Variants in CELF2 observed in about 807,000 individuals in gnomAD.
CELF2 encodes CUGBP Elav-like family member 2.
CELF2 carries 8 observed loss-of-function variants against 62.6 expected under a neutral mutation model. That is an observed-to-expected ratio of 0.13 (90% confidence interval 0.07 to 0.23). CELF2 has a LOEUF of 0.23. Ranked by LOEUF, CELF2 falls within the 10% of genes least tolerant of loss-of-function variation. The pLI, the probability that CELF2 is intolerant of heterozygous loss-of-function variation, is 1.00. For synonymous variants in CELF2, 258 were observed against 250.0 expected, an observed-to-expected ratio of 1.03 and a Z score of -0.30; for missense variants, 333 against 671.0, an observed-to-expected ratio of 0.50 and a Z score of 5.56.
chr10:11,054,169 A>C (rs1248234933), intron 1 of CELF2, among the ~76,000 whole-genome samples: 1 of 152,246 alleles, frequency 6.6e-6, no homozygotes, highest in Non-Finnish European at 1.5e-5. Flanking sequence ...TAGGAAGTGC[A>C]GAATAAATGC....
intron 8 of CELF2, among the ~76,000 whole-genome samples, chr10:11,282,039 TC>T (rs1274448224): frequency 2.6e-5 from 4 of 152,108 alleles, no homozygotes; most frequent in Non-Finnish European, 5.9e-5. Flanking sequence ...GCAAGGCCAC[TC>T]CCAGTGGATA....
the CELF2 span, among the ~76,000 whole-genome samples, chr10:10,516,162 C>G: frequency 3.9e-5 from 6 of 152,154 alleles, no homozygotes; most frequent in African/African-American, 1.2e-4. Flanking sequence ...CTAGTCCTAA[C>G]TTTTGGACTG....
At chr10:11,295,707 T>C (rs1161108910) in intron 9 of CELF2, among the ~76,000 whole-genome samples, 6 of 152,196 alleles carry the variant, frequency 3.9e-5, no homozygotes, top group African/African-American at 1.4e-4. Context: ...ACCAGGTGGT[T>C]TGAAAGTTCT....
chr10:10,593,371 A>G, the CELF2 span, among the ~76,000 whole-genome samples: 2 of 152,364 alleles, frequency 1.3e-5, no homozygotes, highest in East Asian at 3.9e-4. Context: ...GTGACTTCAC[A>G]TGGTCTCTCA....
the CELF2 span, among the ~76,000 whole-genome samples, chr10:10,662,724 A>G: frequency 6.6e-6 from 1 of 152,202 alleles, no homozygotes; most frequent in African/African-American, 2.4e-5. Flanking sequence ...CAAACCAGCA[A>G]TGGTGGAGGG....
intron 1 of CELF2, among the ~76,000 whole-genome samples, chr10:10,907,189 G>T (rs2063421138): frequency 1.3e-5 from 2 of 152,218 alleles, no homozygotes; most frequent in South Asian, 2.1e-4. Context: ...AGGCCCTAGA[G>T]ATTTAAATAC....
the CELF2 span, among the ~76,000 whole-genome samples, chr10:10,482,445 T>A: frequency 2.3e-4 from 35 of 152,332 alleles, no homozygotes; most frequent in African/African-American, 8.2e-4. Flanking sequence ...GTCAAATCAA[T>A]GTAAGAAACT....
intron 1 of CELF2, among the ~76,000 whole-genome samples, chr10:11,079,624 G>A (rs1374669482): frequency 6.6e-6 from 1 of 152,112 alleles, no homozygotes; most frequent in Non-Finnish European, 1.5e-5. Context: ...CTTCCGCCAT[G>A]ATTGTAAGTT....
the CELF2 span, among the ~76,000 whole-genome samples, chr10:10,567,229 T>G: frequency 6.6e-6 from 1 of 152,212 alleles, no homozygotes; most frequent in Admixed American, 6.5e-5. Flanking sequence ...AGAAATAAAC[T>G]GCCTTTATTT....
the CELF2 span, among the ~76,000 whole-genome samples, chr10:10,555,804 T>A: frequency 9.2e-5 from 14 of 152,226 alleles, no homozygotes; most frequent in Admixed American, 3.9e-4. Context: ...TAAAGTGAAG[T>A]TCAGTAAACT....
chr10:10,932,052 G>C (rs1161150748), intron 2 of CELF2, among the ~76,000 whole-genome samples: 2 of 152,160 alleles, frequency 1.3e-5, no homozygotes, highest in Admixed American at 6.5e-5. Context: ...CCCACAGTGT[G>C]TGGGAATTCA....
At chr10:11,251,866 C>G (rs1565559983) in intron 4 of CELF2, among the ~76,000 whole-genome samples, 1 of 152,240 alleles carries the variant, frequency 6.6e-6, no homozygotes, top group Non-Finnish European at 1.5e-5. Flanking sequence ...ACCGAGGCAG[C>G]CTTTTCAGTG....
At chr10:11,033,327 G>C (rs1002158619) in intron 1 of CELF2, among the ~76,000 whole-genome samples, 1 of 150,166 alleles carries the variant, frequency 6.7e-6, no homozygotes, top group African/African-American at 2.5e-5. Context: ...GCACCATCTC[G>C]GCGCACCGCA....
chr10:11,222,112 T>A (rs989163342), intron 3 of CELF2, among the ~76,000 whole-genome samples: 7 of 151,102 alleles, frequency 4.6e-5, no homozygotes, highest in African/African-American at 1.7e-4. Flanking sequence ...CTGCTCGCCA[T>A]GGAGTTGGCC....
At chr10:10,754,061 G>GGTTTTTTTTTTTTTTT in the CELF2 span, among the ~76,000 whole-genome samples, 1 of 85,058 alleles carries the variant, frequency 1.2e-5, no homozygotes, top group Admixed American at 1.5e-4. Context: ...TGCTGAGGTG[G>GGTTTTTTTTTTTTTTT]TTTTTTTTTT....
chr10:10,524,154 G>A, the CELF2 span, among the ~76,000 whole-genome samples: 137,118 of 152,058 alleles, frequency 0.9, 62,478 homozygotes, highest in South Asian at 0.97. Context: ...AATAAGAAAT[G>A]GGGGAAGATG....
intron 1 of CELF2, among the ~76,000 whole-genome samples, chr10:10,820,577 A>T (rs1358293446): frequency 6.6e-6 from 1 of 152,242 alleles, no homozygotes; most frequent in African/African-American, 2.4e-5. Context: ...GAGATAACAC[A>T]AAATAAATAC....
intron 1 of CELF2, among the ~76,000 whole-genome samples, chr10:11,066,916 G>A (rs1302409540): frequency 5.3e-5 from 8 of 152,090 alleles, no homozygotes; most frequent in Non-Finnish European, 7.4e-5. Context: ...AGGTGCTGTC[G>A]GTTGTAAACA....
At chr10:10,567,844 A>T in the CELF2 span, among the ~76,000 whole-genome samples, 5 of 152,146 alleles carry the variant, frequency 3.3e-5, no homozygotes, top group Non-Finnish European at 7.3e-5. Context: ...TGGAGAACAG[A>T]TCTAGGCAGC....
Sources: allele counts gnomAD v4.1 joint callset (sites outside exome capture counted in the v4.1 genomes callset), GRCh38; gene constraint gnomAD v4.1.1; transcripts MANE v1.5; gene names NCBI Gene and HGNC (gene_info 2026-07-23, HGNC 2026-07-21).